The following H2BC12 variants were observed in gnomAD, a reference collection of about 807,000 sequenced individuals.
H2BC12 encodes the protein H2B clustered histone 12, also known as histone H2B type 1-K.
In H2BC12, 6 loss-of-function variants were observed where a neutral mutation model predicts 6.3. The ratio of observed to expected loss-of-function variants is 0.95; its 90% confidence interval spans 0.52 to 1.87. The LOEUF is 1.87. Among genes scored for constraint, H2BC12 ranks in the 40% most tolerant of loss-of-function variants. The probability of loss-of-function intolerance (pLI) is 0.01; values close to 1 mark genes in which losing one functional copy is unlikely to be tolerated. For synonymous variants in H2BC12, 132 were observed against 78.5 expected (o/e 1.68, Z -3.60); for missense variants, 119 against 178.4 (o/e 0.67, Z 1.90).
chr6:27,139,802 C>T, the H2BC12 span: 2 of 1,033,358 alleles, frequency 1.9e-6, no homozygotes, highest in Non-Finnish European at 2.7e-6. Context: ...TACAGGTGAC[C>T]TTGGGCCGAG....
chr6:27,145,063 T>C (rs1175499402), downstream of H2BC12, among the ~76,000 whole-genome samples: 2 of 152,326 alleles, frequency 1.3e-5, no homozygotes, highest in Non-Finnish European at 2.9e-5. Context: ...GGTATAGATA[T>C]AGATCAGTGC....
chr6:27,144,681 T>C (rs561461503), downstream of H2BC12, among the ~76,000 whole-genome samples: 1 of 152,198 alleles, frequency 6.6e-6, no homozygotes, highest in African/African-American at 2.4e-5. Context: ...TTTGCAAAAA[T>C]AGTTTGTAAG....
At chr6:27,143,788 T>C (rs1241700763), downstream of H2BC12, among the ~76,000 whole-genome samples, 4 of 150,230 alleles carry the variant, frequency 2.7e-5, no homozygotes, top group Non-Finnish European at 5.9e-5. Flanking sequence ...AATTGCTAGA[T>C]TGAATTGCTG....
the H2BC12 span, chr6:27,139,624 G>A: frequency 3.1e-6 from 5 of 1,602,984 alleles, no homozygotes; most frequent in Non-Finnish European, 4.3e-6. Flanking sequence ...CGGCTAAATG[G>A]CATTTTGAAG....
chr6:27,144,313 T>C (rs1760042127), downstream of H2BC12, among the ~76,000 whole-genome samples: 1 of 151,814 alleles, frequency 6.6e-6, no homozygotes, highest in East Asian at 1.9e-4. Flanking sequence ...AATACAAAAA[T>C]TAGCTGGGCA....
rs762091096 is a variant in H2BC12, at chr6:27,146,381, C to G, written c.*37G>C. 1.2e-6 allele frequency: 2 copies of G among 1,613,646 alleles called. No homozygotes were observed. Among genetic ancestry groups the G allele is most frequent in the African/African-American group, 2.7e-5 (2 of 74,866 alleles). On this transcript the variant is annotated 3_prime_UTR_variant, in exon 1 of 1. Transcript: ENST00000356950. ...TAATTTAAGTGGCTCTTAAAAGAGCCTTTGGGGTTGGGCTTTAAGACGCTT... is the reference window on the plus strand; with the variant it reads ...TAATTTAAGTGGCTCTTAAAAGAGCGTTTGGGGTTGGGCTTTAAGACGCTT...
downstream of H2BC12, among the ~76,000 whole-genome samples, chr6:27,144,857 G>A (rs1760051104): frequency 6.6e-6 from 1 of 152,048 alleles, no homozygotes; most frequent in Non-Finnish European, 1.5e-5. Context: ...AGTGCAGTGA[G>A]GTGATCTAGG....
At chr6:27,139,700 C>T in the H2BC12 span, 4 of 1,507,170 alleles carry the variant, frequency 2.7e-6, no homozygotes, top group Non-Finnish European at 3.5e-6. Context: ...GTTGAAATGA[C>T]TGCAAACTGA....
downstream of H2BC12, among the ~76,000 whole-genome samples, chr6:27,142,242 G>A (rs1328622016): frequency 6.6e-6 from 1 of 152,116 alleles, no homozygotes; most frequent in East Asian, 1.9e-4. Flanking sequence ...GATATATTCT[G>A]TCAAATAGGA....
At chr6:27,139,171 C>T in the H2BC12 span, 2 of 875,774 alleles carry the variant, frequency 2.3e-6, no homozygotes, top group Non-Finnish European at 3.4e-6. Flanking sequence ...AGGCCTGTTT[C>T]CCTTTTAGGT....
At chr6:27,139,383 C>T in the H2BC12 span, 2 of 1,614,236 alleles carry the variant, frequency 1.2e-6, no homozygotes, top group Non-Finnish European at 1.7e-6. Context: ...TGCTGCGCGA[C>T]AACATCCAGG....
At chr6:27,141,876 G>A (rs2113646886), downstream of H2BC12, among the ~76,000 whole-genome samples, 1 of 152,304 alleles carries the variant, frequency 6.6e-6, no homozygotes, top group East Asian at 1.9e-4. Context: ...TGGGTTTTAG[G>A]TCAAGTTCTG....
downstream of H2BC12, among the ~76,000 whole-genome samples, chr6:27,142,636 C>CTTTTTTT (rs759784250): frequency 2.2e-4 from 22 of 100,280 alleles, 2 homozygotes; most frequent in African/African-American, 6.3e-4. Context: ...TCCCCCCCTC[C>CTTTTTTT]TTTTTTTTTT....
chr6:27,139,715 C>T, the H2BC12 span: 4 of 1,471,198 alleles, frequency 2.7e-6, no homozygotes, highest in Non-Finnish European at 3.6e-6. Flanking sequence ...AACTGAGTCT[C>T]TTAATAGGGC....
chr6:27,142,438 A>C (rs1302771837), downstream of H2BC12, among the ~76,000 whole-genome samples: 1 of 151,096 alleles, frequency 6.6e-6, no homozygotes, highest in African/African-American at 2.4e-5. Context: ...ACGCCAGGCT[A>C]ATTTTTTTGT....
chr6:27,145,802 T>C (rs972456008), downstream of H2BC12, among the ~76,000 whole-genome samples: 3 of 152,200 alleles, frequency 2.0e-5, no homozygotes, highest in African/African-American at 7.2e-5. Flanking sequence ...AAAGCTGTGC[T>C]CCTCCCCTTA....
chr6:27,138,406 G>A, the H2BC12 span, among the ~76,000 whole-genome samples: 3 of 152,210 alleles, frequency 2.0e-5, no homozygotes, highest in African/African-American at 4.8e-5. Context: ...AGGCAAAAGA[G>A]GAGATGGGTA....
chr6:27,139,388 T>C, the H2BC12 span: 3 of 1,614,038 alleles, frequency 1.9e-6, no homozygotes, highest in South Asian at 1.1e-5. Context: ...CGCGACAACA[T>C]CCAGGGTATC....
rs760015122 is a variant in H2BC12, at chr6:27,146,844, A to C, written c.-46T>G. On this transcript the variant is annotated 5_prime_UTR_variant, in exon 1 of 1. Transcript: ENST00000356950. ...CTGAGACGAGCAGCAGATCGAGAAA[A>C]CGGGAAGTAATGGGAGCAAGGTACC... The C allele has an allele frequency of 1.9e-6, 3 of 1,600,436 alleles. No homozygotes were observed. In the South Asian group the frequency reaches 3.4e-5, roughly 18 times the overall value.
Sources: gnomAD v4.1 joint callset for allele counts (sites outside exome capture counted in the v4.1 genomes callset) on GRCh38, gnomAD v4.1.1 for gene constraint, MANE v1.5 for transcripts, NCBI Gene and HGNC (gene_info 2026-07-23, HGNC 2026-07-21) for gene names.